The following HLCS variants were observed in gnomAD, a reference collection of about 807,000 sequenced individuals.
HLCS encodes the protein biotin--protein ligase.
In HLCS, 53 loss-of-function variants were observed where a neutral mutation model predicts 75.0. That is an observed-to-expected ratio of 0.71 (90% CI 0.57 to 0.89). The LOEUF (loss-of-function observed/expected upper bound fraction) is 0.89. Among genes scored for constraint, HLCS ranks in the 40% least tolerant of loss-of-function variants. The pLI is 0.00. For missense variants in HLCS, 966 were observed against 1,074.0 expected (o/e 0.90, Z 1.41); for synonymous variants, 431 against 428.6 (o/e 1.01, Z -0.07).
intron 6 of HLCS, among the ~76,000 whole-genome samples, chr21:36,831,280 C>T (rs999607055): frequency 4.6e-5 from 7 of 152,054 alleles, no homozygotes; most frequent in South Asian, 2.1e-4. Flanking sequence ...TTATGCAAAA[C>T]GTTTCTTTAA....
intron 6 of HLCS, among the ~76,000 whole-genome samples, chr21:36,771,287 T>A (rs1054057651): frequency 5.9e-5 from 9 of 151,668 alleles, no homozygotes; most frequent in African/African-American, 2.2e-4. Flanking sequence ...TCAACAATAG[T>A]TATTTGCAGT....
chr21:36,930,498 TTTTTTC>T (rs1365783846), intron 4 of HLCS, 65 bp from the exon 5 acceptor site: 4 of 1,348,880 alleles, frequency 3.0e-6, no homozygotes, highest in African/African-American at 1.5e-5. Context: ...AAACAGTTTC[TTTTTTC>T]TTTTTCTTTT....
intron 2 of HLCS, among the ~76,000 whole-genome samples, chr21:36,960,858 C>T (rs573428336): frequency 1.9e-3 from 286 of 152,294 alleles, no homozygotes; most frequent in Non-Finnish European, 3.0e-3. Context: ...ATGACATCCA[C>T]CAAAAGCTTA....
At chr21:36,960,929 T>C (rs1182628721) in intron 2 of HLCS, among the ~76,000 whole-genome samples, 1 of 152,154 alleles carries the variant, frequency 6.6e-6, no homozygotes. Flanking sequence ...TCAAGAGGAA[T>C]GCCCAAAGAA....
At chr21:36,776,189 T>C (rs2060352402) in intron 6 of HLCS, among the ~76,000 whole-genome samples, 1 of 152,220 alleles carries the variant, frequency 6.6e-6, no homozygotes, top group African/African-American at 2.4e-5. Context: ...CATTCCTACA[T>C]GCCCTTCACA....
chr21:36,825,640 C>A (rs1601411256), intron 6 of HLCS, among the ~76,000 whole-genome samples: 1 of 152,180 alleles, frequency 6.6e-6, no homozygotes, highest in African/African-American at 2.4e-5. Context: ...CACCCCCGCC[C>A]CAGGACTCTG....
At chr21:36,956,725 G>T in intron 2 of HLCS, among the ~76,000 whole-genome samples, 1 of 151,838 alleles carries the variant, frequency 6.6e-6, no homozygotes, top group East Asian at 1.9e-4. Flanking sequence ...GCGAGACTCC[G>T]TCTCAAAAAT....
upstream of HLCS, chr21:36,968,509 A>G (rs2068700048): frequency 8.2e-6 from 1 of 122,240 alleles, no homozygotes; most frequent in Non-Finnish European, 2.0e-5. Flanking sequence ...GAAGAAAAAC[A>G]AAGTGATAAA....
Position 36,930,424 on chromosome 21 carries a change from C to A in HLCS, c.1447G>T (p.Glu483Ter). The change falls in exon 5 of 11, where the codon GAA (glutamate) becomes TAA (stop). Residue 483 changes from glutamate (E) to a stop codon, truncating the protein, a stop_gained. Coordinates refer to ENST00000674895, the MANE Select transcript of HLCS (RefSeq NM_001352514.2). LOFTEE classifies it high-confidence loss of function. ...GEAVLCQVHLELPPSSNIVQT... is the reference protein window; with the variant it reads ...GEAVLCQVHL Reference sequence around the variant, plus strand: ...ACTATGTTGGAGCTGGGAGGTAGTTCTAAGTGCACCTGAAGGGGAAAGATA... The same window carrying A: ...ACTATGTTGGAGCTGGGAGGTAGTTATAAGTGCACCTGAAGGGGAAAGATA... 1.2e-6 allele frequency: 2 copies of A among 1,613,918 alleles called. No individual in the cohort carries two copies. The highest frequency in any genetic ancestry group is 4.5e-5 in the East Asian group (2 of 44,884).
At chr21:36,922,642 G>T (rs1601751503) in intron 5 of HLCS, among the ~76,000 whole-genome samples, 1 of 152,116 alleles carries the variant, frequency 6.6e-6, no homozygotes, top group African/African-American at 2.4e-5. Context: ...CTGCTTTCAC[G>T]AGGAAGCCCG....
At chr21:36,787,129 T>C (rs1201896820) in intron 6 of HLCS, among the ~76,000 whole-genome samples, 3 of 152,160 alleles carry the variant, frequency 2.0e-5, no homozygotes. Context: ...CGCAAGAGCA[T>C]GGACTTCCTA....
rs142618864 is a variant in HLCS at position 36,884,165 on chromosome 21, G to A, written c.1892+12695C>T. ...CCTTGTTATCTAACGTAAGCTTTCA[G>A]GCACCAGATAAAAGAATCTGGCTGC... On this transcript the variant is annotated intron_variant, in intron 6 of 10. Coordinates refer to ENST00000674895, the MANE Select transcript of HLCS (RefSeq NM_001352514.2). Among the ~76,000 whole-genome samples, 261 of 152,288 alleles carry A rather than the reference G, an allele frequency of 1.7e-3. 1 individual carries two copies. Among genetic ancestry groups the A allele is most frequent in the African/African-American group, 6.0e-3 (248 of 41,552 alleles).
At chr21:36,909,945 A>AT (rs2065628672) in intron 5 of HLCS, among the ~76,000 whole-genome samples, 1 of 152,244 alleles carries the variant, frequency 6.6e-6, no homozygotes, top group African/African-American at 2.4e-5. Flanking sequence ...CTCATTGCAA[A>AT]TAATAAGATT....
At chr21:36,915,890 T>C (rs564113849) in intron 5 of HLCS, among the ~76,000 whole-genome samples, 2 of 151,380 alleles carry the variant, frequency 1.3e-5, no homozygotes, top group Non-Finnish European at 2.9e-5. Context: ...GTCCCTGGGG[T>C]CTCTGGGGGC....
intron 6 of HLCS, among the ~76,000 whole-genome samples, chr21:36,848,832 T>C (rs914171962): frequency 6.6e-6 from 1 of 152,156 alleles, no homozygotes; most frequent in African/African-American, 2.4e-5. Context: ...TATTGCAATA[T>C]TTGAGAAGGC....
At chr21:36,754,883 T>A (rs1347588458) in intron 10 of HLCS, among the ~76,000 whole-genome samples, 1 of 152,200 alleles carries the variant, frequency 6.6e-6, no homozygotes, top group Non-Finnish European at 1.5e-5. Context: ...ATTTTCCAAA[T>A]GTACTCAAGT....
rs1388817536 is a variant in HLCS at position 36,748,952 on chromosome 21, G to C, written c.*5294C>G. On this transcript the variant is annotated 3_prime_UTR_variant, in exon 11 of 11. Transcript: ENST00000674895. Reference sequence around the variant, plus strand: ...TCTGTAATTCACTAGGCTCGTGTTTGCTACAAATAGTGCTAATAAAGTTAA... The same window carrying C: ...TCTGTAATTCACTAGGCTCGTGTTTCCTACAAATAGTGCTAATAAAGTTAA... The C allele has an allele frequency of 6.6e-6, 1 of 152,620 alleles. No homozygotes were observed. Among genetic ancestry groups the C allele is most frequent in the Non-Finnish European group, 1.5e-5 (1 of 68,046 alleles). The allele number at this position is 152,620 out of a possible 1,614,324, so 9.5% of individuals were successfully genotyped here.
chr21:36,933,228 G>A (rs2066725456), intron 4 of HLCS, among the ~76,000 whole-genome samples: 1 of 152,140 alleles, frequency 6.6e-6, no homozygotes. Flanking sequence ...CAAGACTGAG[G>A]ATGCCAATCA....
chr21:36,931,760 AAG>A (rs1054219872), intron 4 of HLCS, among the ~76,000 whole-genome samples: 1 of 151,936 alleles, frequency 6.6e-6, no homozygotes, highest in Non-Finnish European at 1.5e-5. Context: ...AGAAAAAAAA[AAG>A]AGAGAGAGAG....
Sources: allele counts gnomAD v4.1 joint callset (sites outside exome capture counted in the v4.1 genomes callset), GRCh38; gene constraint gnomAD v4.1.1; transcripts MANE v1.5; gene names NCBI Gene and HGNC (gene_info 2026-07-23, HGNC 2026-07-21).